The following CIP2A variants were observed in gnomAD, a reference collection of about 807,000 sequenced individuals.
CIP2A encodes the protein cellular inhibitor of PP2A.
Under a neutral mutation model 110.9 loss-of-function variants are expected in CIP2A, and 103 were observed. The ratio of observed to expected loss-of-function variants is 0.93; its 90% CI spans 0.79 to 1.09. The LOEUF (loss-of-function observed/expected upper bound fraction) is 1.09, where lower values mean the gene tolerates loss of function less well. CIP2A is among the 50% of genes least tolerant of loss of function. CIP2A has a pLI of 0.00. For missense variants in CIP2A, 1,088 were observed against 1,038.4 expected, an observed-to-expected ratio of 1.05 and a Z score of -0.66; for synonymous variants, 381 against 361.6, an observed-to-expected ratio of 1.05 and a Z score of -0.61.
At chr3:108,565,319 T>A (rs754308770) in intron 12 of CIP2A, 36 bp downstream of exon 12, 1 of 1,002,106 alleles carries the variant, frequency 1.0e-6, no homozygotes. Context: ...CATTTATGTA[T>A]GAATAAACTT....
rs767573515 is a variant in CIP2A at position 108,554,461 on chromosome 3, C to G, written c.2239G>C (p.Asp747His). 2.7e-6 allele frequency: 4 copies of G among 1,506,962 alleles called. No homozygotes were observed. The highest frequency in any genetic ancestry group is 1.2e-5 in the South Asian group (1 of 83,878). 93.3% of individuals were successfully genotyped at this position (1,506,962 alleles called of 1,614,324 possible). A position where few individuals can be genotyped will look rare whatever the true frequency, so the allele number is the denominator to read the frequency against. The change falls in exon 18 of 21, where the codon GAT (aspartate) becomes CAT (histidine). Residue 747 changes from aspartate (D) to histidine (H), a missense_variant. Coordinates refer to ENST00000295746, the MANE Select transcript of CIP2A (RefSeq NM_020890.3). ...RNESTEKKNK[D>H]LQITCDSLNK... The stretch of plus-strand genomic sequence containing the variant: ...AGAGAATCACATGTGATCTGTAAAT[C>G]TTTATTCTTCTTTTCAGTACTTTCA...
chr3:108,564,925 T>A (rs1455426857), intron 12 of CIP2A, among the ~76,000 whole-genome samples: 1 of 151,900 alleles, frequency 6.6e-6, no homozygotes, highest in Admixed American at 6.6e-5. Flanking sequence ...GTTAGCTATT[T>A]TCTGCACAGC....
chr3:108,566,467 C>G, intron 11 of CIP2A, 30 bp downstream of exon 11: 1 of 1,565,822 alleles, frequency 6.4e-7, no homozygotes, highest in Non-Finnish European at 8.6e-7. Flanking sequence ...TACTGCCTTG[C>G]CATTTTGTCA....
intron 16 of CIP2A, among the ~76,000 whole-genome samples, chr3:108,559,107 C>T (rs1937910804): frequency 6.6e-6 from 1 of 152,010 alleles, no homozygotes; most frequent in Non-Finnish European, 1.5e-5. Flanking sequence ...ACTAATTGCT[C>T]TGCTATGATT....
At position 108,582,221 on chromosome 3, in the gene CIP2A, TTATAAA is replaced by T. The variant is rs764805348; in HGVS notation, c.358-25_358-20del. On this transcript the variant is annotated intron_variant, in intron 3 of 20. Coordinates refer to ENST00000295746, the MANE Select transcript of CIP2A (RefSeq NM_020890.3). Reference sequence around the variant, plus strand: ...GAATGCACTGAGAATAAGAAAATAGTTATAAATATAAAGATATAAAAACATTGCCTG... The same window carrying T: ...GAATGCACTGAGAATAAGAAAATAGTTATAAAGATATAAAAACATTGCCTG... 1.9e-5 allele frequency: 20 copies of T among 1,041,756 alleles called. No individual in the cohort carries two copies. The highest frequency in any genetic ancestry group is 8.0e-5 in the South Asian group (5 of 62,860). The allele number at this position is 1,041,756 out of a possible 1,614,324, so 64.5% of individuals were successfully genotyped here. A position where few individuals can be genotyped will look rare whatever the true frequency, so the allele number is the denominator to read the frequency against.
intron 10 of CIP2A, among the ~76,000 whole-genome samples, chr3:108,567,173 C>T (rs984435846): frequency 1.3e-5 from 2 of 151,668 alleles, no homozygotes; most frequent in Admixed American, 1.3e-4. Context: ...CACACACCAC[C>T]TAATGATTTC....
At position 108,575,852 on chromosome 3, in the gene CIP2A, A is replaced by G. The variant is rs796105955; in HGVS notation, c.894+419T>C. 8.9e-5 allele frequency among the ~76,000 whole-genome samples: 8 copies of G among 90,054 alleles called. 3 individuals are homozygous for G. The highest frequency in any genetic ancestry group is 2.8e-4 in the African/African-American group (8 of 28,546). The allele number at this position is 90,054 out of a possible 152,430, so 59.1% of individuals were successfully genotyped here. On this transcript the variant is annotated intron_variant, in intron 8 of 20. Coordinates refer to ENST00000295746, the MANE Select transcript of CIP2A (RefSeq NM_020890.3). ...TATACGTGTATATATACTCATATACATGTGTATATACACGTATATATACTC... is the reference window on the plus strand; with the variant it reads ...TATACGTGTATATATACTCATATACGTGTGTATATACACGTATATATACTC...
At chr3:108,557,644 T>G (rs1032013011) in intron 16 of CIP2A, among the ~76,000 whole-genome samples, 2 of 152,026 alleles carry the variant, frequency 1.3e-5, no homozygotes, top group African/African-American at 4.8e-5. Flanking sequence ...ATGATCAAAT[T>G]AATGGAAATG....
At position 108,584,901 on chromosome 3, in the gene CIP2A, C is replaced by T. The variant is rs866794476; in HGVS notation, c.250+164G>A. 6.8e-5 allele frequency: 34 copies of T among 497,720 alleles called. No homozygotes were observed. In the Middle Eastern group the frequency reaches 1.6e-3, roughly 23 times the overall value. 30.8% of individuals were successfully genotyped at this position (497,720 alleles called of 1,614,324 possible). ...TATTACAGAAGGATCATTCTTTGAT[C>T]GGTAGCTATGACTTCCTCAGTGTCA... On this transcript the variant is annotated intron_variant, in intron 2 of 20. Transcript: ENST00000295746.
chr3:108,570,328 T>A (rs921468754), intron 8 of CIP2A, among the ~76,000 whole-genome samples: 1 of 152,160 alleles, frequency 6.6e-6, no homozygotes, highest in African/African-American at 2.4e-5. Flanking sequence ...ATCAACTTGA[T>A]AGTATCTGAA....
intron 7 of CIP2A, among the ~76,000 whole-genome samples, chr3:108,578,609 T>G (rs910644881): frequency 6.6e-6 from 1 of 152,212 alleles, no homozygotes; most frequent in Non-Finnish European, 1.5e-5. Flanking sequence ...AATGTTTTCT[T>G]GTGTGTGAAA....
At chr3:108,589,229 T>G (rs1360372364) in intron 1 of CIP2A, 45 bp downstream of exon 1, 1 of 1,427,270 alleles carries the variant, frequency 7.0e-7, no homozygotes, top group African/African-American at 1.4e-5. Flanking sequence ...GAAATAAGAA[T>G]TGCTAGGGGA....
chr3:108,573,646 G>A (rs1938471578), intron 8 of CIP2A, among the ~76,000 whole-genome samples: 1 of 151,706 alleles, frequency 6.6e-6, no homozygotes, highest in African/African-American at 2.4e-5. Context: ...CAGATTCCTA[G>A]TCACTTTCTT....
Position 108,565,464 on chromosome 3 carries a change from T to A in CIP2A, c.1416-10A>T, listed in dbSNP as rs759903626. 3.3e-5 allele frequency: 48 copies of A among 1,463,458 alleles called. No individual in the cohort carries two copies. The highest frequency in any genetic ancestry group is 4.5e-5 in the Non-Finnish European group (48 of 1,059,316). 90.7% of individuals were successfully genotyped at this position (1,463,458 alleles called of 1,614,324 possible). A position where few individuals can be genotyped will look rare whatever the true frequency, so the allele number is the denominator to read the frequency against. Reference sequence around the variant, plus strand: ...ATCAGCAGCAAGTTTGCTTTAAAGATAAATCACATTTAAATTAGATAACTG... The same window carrying A: ...ATCAGCAGCAAGTTTGCTTTAAAGAAAAATCACATTTAAATTAGATAACTG... On this transcript the variant is annotated splice_polypyrimidine_tract_variant and intron_variant, in intron 11 of 20. Coordinates refer to ENST00000295746, the MANE Select transcript of CIP2A (RefSeq NM_020890.3).
chr3:108,572,078 A>G (rs558182319), intron 8 of CIP2A, among the ~76,000 whole-genome samples: 17 of 152,224 alleles, frequency 1.1e-4, no homozygotes, highest in Admixed American at 2.6e-4. Context: ...TAGAAAAATA[A>G]TATATTTTGG....
In CIP2A at chr3:108,551,318, G is replaced by A. The variant is rs373207314; in HGVS notation, c.2549C>T (p.Ala850Val). ...TGCCTTTTGAACCTCTAGGGAGGAA[G>A]CCTAAGGAATTGGGGTTGGGGGAGG... ...EQIRKELSIK[A>V]SSLEVQKAQL... Residue 850 changes from alanine to valine, a missense_variant and splice_region_variant, in exon 21 of 21, where the codon GCT becomes GTT. Transcript: ENST00000295746. The A allele has an allele frequency of 6.2e-7, 1 of 1,603,870 alleles. No individual in the cohort carries two copies. The highest frequency in any genetic ancestry group is 8.5e-7 in the Non-Finnish European group (1 of 1,174,352).
intron 8 of CIP2A, among the ~76,000 whole-genome samples, chr3:108,573,736 T>A (rs1938475117): frequency 6.6e-6 from 1 of 152,082 alleles, no homozygotes; most frequent in African/African-American, 2.4e-5. Flanking sequence ...GGGTTCGAAA[T>A]AAAAAAGAAA....
At chr3:108,568,134 G>C in intron 10 of CIP2A, 21 bp downstream of exon 10, 1 of 1,596,240 alleles carries the variant, frequency 6.3e-7, no homozygotes, top group Non-Finnish European at 8.6e-7. Flanking sequence ...CAGTTTTCAC[G>C]TTAATGACAG....
intron 8 of CIP2A, among the ~76,000 whole-genome samples, chr3:108,570,547 G>A (rs1158462143): frequency 1.3e-5 from 2 of 152,112 alleles, no homozygotes; most frequent in South Asian, 4.1e-4. Context: ...AAACTGTACA[G>A]AATATTACTG....
Sources: allele counts gnomAD v4.1 joint callset (sites outside exome capture counted in the v4.1 genomes callset), GRCh38; gene constraint gnomAD v4.1.1; transcripts MANE v1.5; gene names NCBI Gene and HGNC (gene_info 2026-07-23, HGNC 2026-07-21).